The following DMD variants were observed in gnomAD, a reference collection of about 807,000 sequenced individuals.
DMD encodes the protein mutant dystrophin.
In DMD, 63 loss-of-function variants were observed where a neutral mutation model predicts 330.1. The ratio of observed to expected loss-of-function variants is 0.19; its 90% CI spans 0.16 to 0.24. The LOEUF (loss-of-function observed/expected upper bound fraction) is 0.24. DMD is among the 10% of genes least tolerant of loss of function. The pLI, the probability that DMD is intolerant of heterozygous loss-of-function variation, is 1.00. For missense variants in DMD, 3,344 were observed against 2,684.1 expected, an observed-to-expected ratio of 1.25 and a Z score of -5.43; for synonymous variants, 1,223 against 959.8, an observed-to-expected ratio of 1.27 and a Z score of -5.07.
chrX:31,189,619 C>CGAT (rs1367987128), intron 67 of DMD, among the ~76,000 whole-genome samples: 2 of 111,665 alleles, frequency 1.8e-5, no homozygotes, highest in African/African-American at 6.5e-5. Context: ...CAATACAGAA[C>CGAT]GATACCTCCT....
At chrX:32,156,623 C>T (rs1392001849) in intron 44 of DMD, among the ~76,000 whole-genome samples, 1 of 92,610 alleles carries the variant, frequency 1.1e-5, no homozygotes, top group Non-Finnish European at 2.1e-5. Context: ...TTTTGAATGA[C>T]AAAAGGATAC....
intron 48 of DMD, among the ~76,000 whole-genome samples, chrX:31,858,368 GA>G (rs1184525696): frequency 1.8e-5 from 2 of 111,065 alleles, no homozygotes; most frequent in African/African-American, 6.5e-5. Flanking sequence ...TAGGATATAT[GA>G]AGTATTACTT....
chrX:32,033,653 G>GAAAGAAAGAAAGAAAGAAAGA (rs201179363), intron 44 of DMD, among the ~76,000 whole-genome samples: 32 of 59,024 alleles, frequency 5.4e-4, no homozygotes, highest in African/African-American at 2.3e-3. Context: ...AAGAAAGAAA[G>GAAAGAAAGAAAGAAAGAAAGA]AAGAAAGAAA....
chrX:32,144,924 C>T (rs919743382), intron 44 of DMD, among the ~76,000 whole-genome samples: 1 of 110,813 alleles, frequency 9.0e-6, no homozygotes, highest in African/African-American at 3.3e-5. Context: ...ATCCCAGCTA[C>T]TAGGGAGGCT....
At position 32,573,850 on chromosome X, in the gene DMD, G is replaced by A; in HGVS notation, c.1603-4C>T. On this transcript the variant is annotated splice_polypyrimidine_tract_variant and splice_region_variant and intron_variant, in intron 13 of 78. Transcript: ENST00000357033. ...TTGCCCATCGATCTCCCAATACCTG[G>A]AGAAGAGACAATCAAGCACAGCATC... 8.4e-7 allele frequency: 1 copy of A among 1,193,673 alleles called. No homozygotes were observed. Among genetic ancestry groups the A allele is most frequent in the African/African-American group, 1.7e-5 (1 of 57,389 alleles).
At chrX:32,701,018 T>C (rs945238317) in intron 7 of DMD, among the ~76,000 whole-genome samples, 2 of 112,180 alleles carry the variant, frequency 1.8e-5, no homozygotes, top group Non-Finnish European at 3.8e-5. Context: ...TTAATGTTCC[T>C]TGGTCTACTT....
rs777041968 is a variant in DMD at position 33,323,905 on chromosome X, C to T, written c.7+15354G>A. On this transcript the variant is annotated intron_variant, in intron 1 of 17. Transcript: ENST00000288447. ...TTGTAATCGAATGCTTCCATTTTTT[C>T]AGAAGAGAATAAAAGGCCCAGAATG... 2.7e-5 allele frequency among the ~76,000 whole-genome samples: 3 copies of T among 110,643 alleles called. 1 individual carries two copies. In the South Asian group the frequency reaches 1.1e-3, roughly 42 times the overall value.
Position 31,201,158 on chromosome X carries a change from T to TACACACACACAC in DMD, c.9807+2791_9807+2802dup, listed in dbSNP as rs57235865. ...CTAGGCAACATGGCGAGAGACCCTG[T>TACACACACACAC]ACACACACACACACACACACACACA... On this transcript the variant is annotated intron_variant, in intron 67 of 78. Transcript: ENST00000357033. Among the ~76,000 whole-genome samples the TACACACACACAC allele has an allele frequency of 4.6e-4, 45 of 98,282 alleles. 1 individual carries two copies. Among genetic ancestry groups the TACACACACACAC allele is most frequent in the African/African-American group, 1.0e-3 (27 of 25,905 alleles). The allele number at this position is 98,282 out of a possible 115,157, so 85.3% of individuals were successfully genotyped here. A position where few individuals can be genotyped will look rare whatever the true frequency, so the allele number is the denominator to read the frequency against.
At chrX:33,217,044 T>A (rs927039376) in intron 1 of DMD, among the ~76,000 whole-genome samples, 14 of 111,775 alleles carry the variant, frequency 1.3e-4, no homozygotes, top group Non-Finnish European at 2.4e-4. Context: ...AACAGGCTTA[T>A]TAGGTAATAT....
At chrX:31,631,769 G>A (rs1011317226) in intron 54 of DMD, among the ~76,000 whole-genome samples, 2 of 111,837 alleles carry the variant, frequency 1.8e-5, no homozygotes, top group African/African-American at 6.5e-5. Flanking sequence ...AAATATACTT[G>A]CCTAAGAAAT....
At chrX:32,472,380 T>C (rs1253573961) in intron 21 of DMD, 71 bp from the exon 22 acceptor site, 2 of 1,034,199 alleles carry the variant, frequency 1.9e-6, no homozygotes, top group Non-Finnish European at 2.7e-6. Flanking sequence ...TCCTAAATTG[T>C]CAGCAAACTC....
chrX:31,595,714 T>G (rs1238163458), intron 55 of DMD, among the ~76,000 whole-genome samples: 2 of 91,040 alleles, frequency 2.2e-5, no homozygotes, highest in Non-Finnish European at 4.3e-5. Flanking sequence ...AAAAAAGGTA[T>G]TTCACTTTCA....
intron 44 of DMD, among the ~76,000 whole-genome samples, chrX:32,110,688 A>G (rs745851311): frequency 9.0e-6 from 1 of 111,678 alleles, no homozygotes; most frequent in Admixed American, 9.5e-5. Flanking sequence ...GGGAAAAAAA[A>G]AGCATAATGC....
chrX:31,272,211 C>T (rs548879239), intron 62 of DMD, among the ~76,000 whole-genome samples: 2 of 111,763 alleles, frequency 1.8e-5, no homozygotes, highest in Non-Finnish European at 3.8e-5. Flanking sequence ...TATATCAAGC[C>T]GAACATCTAA....
chrX:31,611,083 ATT>A (rs35681066), intron 55 of DMD, among the ~76,000 whole-genome samples: 7 of 100,417 alleles, frequency 7.0e-5, no homozygotes, highest in African/African-American at 1.1e-4. Flanking sequence ...TTGCAGAATC[ATT>A]TTTTTTTTTT....
chrX:31,221,430 A>G (rs1358850726), intron 64 of DMD, among the ~76,000 whole-genome samples: 1 of 112,116 alleles, frequency 8.9e-6, no homozygotes, highest in Non-Finnish European at 1.9e-5. Flanking sequence ...GCCCTTCAGC[A>G]CATGCTCTTC....
At chrX:32,356,396 A>C (rs1384795216) in intron 37 of DMD, among the ~76,000 whole-genome samples, 1 of 108,078 alleles carries the variant, frequency 9.3e-6, no homozygotes, top group South Asian at 4.0e-4. Flanking sequence ...AAAAAAAAAA[A>C]AAAAAAAAAA....
chrX:33,273,346 A>G (rs1470970431), intron 1 of DMD, among the ~76,000 whole-genome samples: 1 of 112,636 alleles, frequency 8.9e-6, no homozygotes, highest in African/African-American at 3.2e-5. Flanking sequence ...ACATTGCTTC[A>G]AGAATAGTAA....
At chrX:31,941,759 A>T (rs769603529) in intron 45 of DMD, among the ~76,000 whole-genome samples, 26 of 111,045 alleles carry the variant, frequency 2.3e-4, no homozygotes, top group African/African-American at 8.2e-4. Context: ...TATAATGAGT[A>T]CCCAATGTTT....
Sources: gnomAD v4.1 joint callset for allele counts (sites outside exome capture counted in the v4.1 genomes callset) on GRCh38, gnomAD v4.1.1 for gene constraint, MANE v1.5 for transcripts, NCBI Gene and HGNC (gene_info 2026-07-23, HGNC 2026-07-21) for gene names.